EPHB1: variants seen among roughly 807,000 people sequenced by gnomAD.
EPHB1 encodes ephrin type-B receptor 1.
Under a neutral mutation model 94.4 loss-of-function variants are expected in EPHB1, and 30 were observed. That is an observed-to-expected ratio of 0.32 (90% CI 0.24 to 0.43). The LOEUF (loss-of-function observed/expected upper bound fraction) is 0.43. EPHB1 is among the 20% of genes least tolerant of loss of function. EPHB1 has a pLI of 1.00. For missense variants in EPHB1, 1,055 were observed against 1,308.3 expected (o/e 0.81, Z 2.99); for synonymous variants, 522 against 489.1 (o/e 1.07, Z -0.89).
At chr3:135,245,513 C>CAAAAAAAAAAAAA (rs57521935) in intron 13 of EPHB1, among the ~76,000 whole-genome samples, 1 of 124,046 alleles carries the variant, frequency 8.1e-6, no homozygotes, top group African/African-American at 3.4e-5. Flanking sequence ...GAACAGTCTT[C>CAAAAAAAAAAAAA]AAAAAAAAAA....
intron 5 of EPHB1, among the ~76,000 whole-genome samples, chr3:135,139,690 G>A (rs1237581868): frequency 6.6e-6 from 1 of 152,172 alleles, no homozygotes; most frequent in Non-Finnish European, 1.5e-5. Flanking sequence ...TGGGGTGCAG[G>A]ACCCTCAGCT....
intron 3 of EPHB1, among the ~76,000 whole-genome samples, chr3:135,079,293 A>T (rs1230622049): frequency 1.3e-5 from 2 of 152,178 alleles, no homozygotes; most frequent in Non-Finnish European, 2.9e-5. Flanking sequence ...CCTACATCCA[A>T]ATGGATAACC....
At chr3:134,923,415 A>G (rs1182690240) in intron 1 of EPHB1, among the ~76,000 whole-genome samples, 1 of 151,892 alleles carries the variant, frequency 6.6e-6, no homozygotes, top group Non-Finnish European at 1.5e-5. Flanking sequence ...CCCCACCTGA[A>G]CCCTGCTTAT....
chr3:135,015,290 G>C (rs1935758672), intron 3 of EPHB1, among the ~76,000 whole-genome samples: 1 of 151,824 alleles, frequency 6.6e-6, no homozygotes. Context: ...GCCCAGGCTG[G>C]AGTGCAGTGG....
intron 1 of EPHB1, among the ~76,000 whole-genome samples, chr3:134,919,491 G>C (rs543134993): frequency 6.6e-6 from 1 of 152,188 alleles, no homozygotes; most frequent in Non-Finnish European, 1.5e-5. Context: ...GTAGGGATGA[G>C]ATTACAGGGA....
chr3:134,937,083 G>A (rs1167278022), intron 2 of EPHB1, among the ~76,000 whole-genome samples: 2 of 152,192 alleles, frequency 1.3e-5, no homozygotes, highest in African/African-American at 2.4e-5. Context: ...ATTTTAAAGG[G>A]GACATTGGAA....
At chr3:134,796,550 G>T (rs1429529969) in intron 1 of EPHB1, among the ~76,000 whole-genome samples, 10 of 152,238 alleles carry the variant, frequency 6.6e-5, no homozygotes, top group Non-Finnish European at 1.5e-4. Context: ...CAAAGACACC[G>T]TGCCCGGCGC....
In EPHB1 at chr3:135,046,305, G is replaced by A. The variant is rs183376213; in HGVS notation, c.806-60143G>A. Among the ~76,000 whole-genome samples the A allele has an allele frequency of 1.9e-3, 292 of 152,274 alleles. 2 individuals carry two copies. The highest frequency in any genetic ancestry group is 0.01 in the Middle Eastern group (3 of 294). ...ACTATAGCTCTTGCTACGTTGTATT[G>A]TCATTGTCGCATGTGAGCTTCTATT... On this transcript the variant is annotated intron_variant, in intron 3 of 15. Coordinates refer to ENST00000398015, the MANE Select transcript of EPHB1 (RefSeq NM_004441.5).
intron 1 of EPHB1, among the ~76,000 whole-genome samples, chr3:134,869,942 A>G (rs1195629664): frequency 6.6e-6 from 1 of 152,212 alleles, no homozygotes; most frequent in Non-Finnish European, 1.5e-5. Context: ...TAAGCATTCT[A>G]TTTAACTCAT....
chr3:135,000,134 T>G (rs1935127646), intron 3 of EPHB1, among the ~76,000 whole-genome samples: 1 of 152,230 alleles, frequency 6.6e-6, no homozygotes, highest in African/African-American at 2.4e-5. Context: ...ATCTTTCAAC[T>G]AGACTGGCTT....
chr3:134,851,029 C>T (rs1316637937), intron 1 of EPHB1, among the ~76,000 whole-genome samples: 1 of 152,252 alleles, frequency 6.6e-6, no homozygotes, highest in Non-Finnish European at 1.5e-5. Flanking sequence ...CCTGGTTGGA[C>T]CATTGCCTTC....
intron 6 of EPHB1, among the ~76,000 whole-genome samples, chr3:135,160,343 A>C (rs549316972): frequency 6.6e-6 from 1 of 152,204 alleles, no homozygotes; most frequent in Non-Finnish European, 1.5e-5. Context: ...TATTCTTTAC[A>C]TATATTTACA....
At chr3:135,241,334 A>G (rs1286610029) in intron 13 of EPHB1, 37 bp downstream of exon 13, 3 of 1,611,750 alleles carry the variant, frequency 1.9e-6, no homozygotes, top group Non-Finnish European at 2.5e-6. Context: ...ACAAACCCCC[A>G]TTGAAGGGAT....
intron 1 of EPHB1, among the ~76,000 whole-genome samples, chr3:134,807,428 C>T (rs1424625382): frequency 1.3e-5 from 2 of 151,898 alleles, no homozygotes; most frequent in African/African-American, 2.4e-5. Context: ...ATAGCAGTTT[C>T]ACATCAGCTG....
rs374418257 is a variant in EPHB1 at position 135,051,114 on chromosome 3, G to C, written c.806-55334G>C. Among the ~76,000 whole-genome samples the C allele has an allele frequency of 4.0e-4, 61 of 152,234 alleles. 1 individual carries two copies. The South Asian group carries it at 0.012, about 31-fold the overall frequency. ...TGGCAACACAAGCAAACCAACACAG[G>C]ACCTTGCCTCATTTCGTGAGTATTT... On this transcript the variant is annotated intron_variant, in intron 3 of 15. Transcript: ENST00000398015.
intron 3 of EPHB1, among the ~76,000 whole-genome samples, chr3:134,958,511 C>T (rs894699140): frequency 6.6e-6 from 1 of 151,934 alleles, no homozygotes; most frequent in Non-Finnish European, 1.5e-5. Flanking sequence ...CTCTCTCAGT[C>T]CCATCAGCTA....
intron 11 of EPHB1, among the ~76,000 whole-genome samples, chr3:135,195,784 A>G (rs376212400): frequency 2.4e-4 from 29 of 118,858 alleles, no homozygotes; most frequent in Non-Finnish European, 4.4e-4. Context: ...GAATAGTGCC[A>G]CAATAAACAT....
chr3:134,845,572 T>A (rs915138029), intron 1 of EPHB1, among the ~76,000 whole-genome samples: 30 of 152,006 alleles, frequency 2.0e-4, no homozygotes, highest in African/African-American at 6.8e-4. Flanking sequence ...CATGCCTCTT[T>A]GCCGTGGCTT....
chr3:135,209,994 A>AC (rs1942995813), intron 12 of EPHB1, among the ~76,000 whole-genome samples: 1 of 152,164 alleles, frequency 6.6e-6, no homozygotes, highest in Non-Finnish European at 1.5e-5. Context: ...GGATGACTCC[A>AC]AGTATCCAGC....
Sources: gnomAD v4.1 joint callset for allele counts (sites outside exome capture counted in the v4.1 genomes callset) on GRCh38, gnomAD v4.1.1 for gene constraint, MANE v1.5 for transcripts, NCBI Gene and HGNC (gene_info 2026-07-23, HGNC 2026-07-21) for gene names.